ABCD3: variants seen among roughly 807,000 people sequenced by gnomAD.
ABCD3 encodes ATP binding cassette subfamily D member 3, also known as ATP-binding cassette sub-family D member 3.
A neutral mutation model predicts 105.5 loss-of-function variants in ABCD3; 41 were observed. The observed-to-expected ratio is 0.39, with a 90% CI of 0.30 to 0.50. ABCD3 has a LOEUF of 0.50. Ranked by LOEUF, ABCD3 falls within the 20% of genes least tolerant of loss-of-function variation. The pLI is 0.84. For missense variants in ABCD3, 622 were observed against 806.3 expected, an observed-to-expected ratio of 0.77 and a Z score of 2.77; for synonymous variants, 258 against 269.0, an observed-to-expected ratio of 0.96 and a Z score of 0.40.
chr1:94,450,400 T>C (rs1281114105), intron 1 of ABCD3, among the ~76,000 whole-genome samples: 1 of 152,270 alleles, frequency 6.6e-6, no homozygotes, highest in Admixed American at 6.5e-5. Flanking sequence ...CTGATGGCCA[T>C]GATGCCCATG....
At chr1:94,414,618 C>T (rs186892652), upstream of ABCD3, among the ~76,000 whole-genome samples, 151 of 152,236 alleles carry the variant, frequency 9.9e-4, no homozygotes, top group African/African-American at 3.4e-3. Context: ...AAATCCTACC[C>T]GGTTGGATTG....
chr1:94,387,719 A>C, the ABCD3 span, among the ~76,000 whole-genome samples: 1 of 152,186 alleles, frequency 6.6e-6, no homozygotes, highest in African/African-American at 2.4e-5. Flanking sequence ...TTGTTAAGTA[A>C]ACATTGTCAG....
intron 20 of ABCD3, among the ~76,000 whole-genome samples, chr1:94,500,738 T>C (rs1165978595): frequency 6.6e-6 from 1 of 152,158 alleles, no homozygotes; most frequent in African/African-American, 2.4e-5. Flanking sequence ...CCCAAAATCA[T>C]ACCCACTCTA....
chr1:94,513,201 G>A (rs1650766892), intron 21 of ABCD3, among the ~76,000 whole-genome samples: 1 of 151,906 alleles, frequency 6.6e-6, no homozygotes, highest in Non-Finnish European at 1.5e-5. Flanking sequence ...TTATACATTT[G>A]TTCATGTTGG....
chr1:94,498,776 T>C lies in ABCD3; in HGVS notation c.1465-7T>C, dbSNP rs746687221. 1.9e-6 allele frequency: 3 copies of C among 1,613,664 alleles called. No individual in the cohort carries two copies. Among genetic ancestry groups the C allele is most frequent in the African/African-American group, 2.7e-5 (2 of 74,914 alleles). ...AATTGTTCTTCTCCCTTCTCTCTCTTTAATAGTTATGGCCTCTTTTTGGAG... is the reference window on the plus strand; with the variant it reads ...AATTGTTCTTCTCCCTTCTCTCTCTCTAATAGTTATGGCCTCTTTTTGGAG... On this transcript the variant is annotated splice_polypyrimidine_tract_variant and splice_region_variant and intron_variant, in intron 17 of 22. Transcript: ENST00000370214.
At chr1:94,414,941 C>T (rs528775069), upstream of ABCD3, among the ~76,000 whole-genome samples, 1 of 152,174 alleles carries the variant, frequency 6.6e-6, no homozygotes, top group African/African-American at 2.4e-5. Context: ...TTTGAGATTA[C>T]TCATGAGGTT....
At chr1:94,476,973 C>T (rs897888789) in intron 7 of ABCD3, among the ~76,000 whole-genome samples, 12 of 151,734 alleles carry the variant, frequency 7.9e-5, no homozygotes, top group African/African-American at 2.7e-4. Context: ...ATACAACTTT[C>T]CATGTAATTT....
intron 16 of ABCD3, among the ~76,000 whole-genome samples, chr1:94,494,942 G>A (rs1456375690): frequency 1.3e-5 from 2 of 152,136 alleles, no homozygotes; most frequent in African/African-American, 2.4e-5. Flanking sequence ...TTAGCTAGGT[G>A]TGGTGGTGCA....
Position 94,478,473 on chromosome 1 carries a change from A to G in ABCD3, c.684+158A>G. 3.1e-6 allele frequency: 4 copies of G among 1,304,892 alleles called. No homozygotes were observed. In the Admixed American group the frequency reaches 5.7e-5, roughly 19 times the overall value. 80.8% of individuals were successfully genotyped at this position (1,304,892 alleles called of 1,614,324 possible). A position where few individuals can be genotyped will look rare whatever the true frequency, so the allele number is the denominator to read the frequency against. On this transcript the variant is annotated intron_variant, in intron 8 of 22. Transcript: ENST00000370214. ...AAGTCTGGTTATAAAATAATACTTC[A>G]TTCGAGATTTTAGAAGTACTAATTT...
chr1:94,479,396 A>G (rs1304020625), intron 8 of ABCD3, among the ~76,000 whole-genome samples: 6 of 151,592 alleles, frequency 4.0e-5, no homozygotes, highest in Non-Finnish European at 5.9e-5. Context: ...CCACATTTGT[A>G]GTAGTTGTTG....
chr1:94,451,296 A>C (rs936896816), intron 1 of ABCD3, among the ~76,000 whole-genome samples: 1 of 152,166 alleles, frequency 6.6e-6, no homozygotes, highest in Non-Finnish European at 1.5e-5. Flanking sequence ...TATGGAGTCT[A>C]ATTTCCTTAG....
intron 1 of ABCD3, among the ~76,000 whole-genome samples, chr1:94,427,885 T>A (rs1029530029): frequency 6.6e-5 from 10 of 152,206 alleles, no homozygotes; most frequent in Admixed American, 1.3e-4. Context: ...ATGGCTTTCA[T>A]CATAACATTC....
At chr1:94,444,618 G>T (rs1040901225) in intron 1 of ABCD3, among the ~76,000 whole-genome samples, 1 of 152,062 alleles carries the variant, frequency 6.6e-6, no homozygotes, top group Non-Finnish European at 1.5e-5. Context: ...TTGTAAGTCT[G>T]TTGTTACATA....
At chr1:94,414,282 A>C (rs1658962146), upstream of ABCD3, among the ~76,000 whole-genome samples, 1 of 152,186 alleles carries the variant, frequency 6.6e-6, no homozygotes, top group Non-Finnish European at 1.5e-5. Context: ...GACCTTGGGT[A>C]AATAGTATCA....
chr1:94,482,005 A>G (rs1358947059), intron 9 of ABCD3: 1 of 152,258 alleles, frequency 6.6e-6, no homozygotes, highest in Non-Finnish European at 1.5e-5. Context: ...AGCCATCAAT[A>G]TTCCAGGATG....
In ABCD3 at chr1:94,517,216, C is replaced by T. The variant is rs1650956689; in HGVS notation, c.*87C>T. The T allele has an allele frequency of 9.7e-7, 1 of 1,030,898 alleles. No individual in the cohort carries two copies. Among genetic ancestry groups the T allele is most frequent in the Admixed American group, 2.0e-5 (1 of 51,076 alleles). The allele number at this position is 1,030,898 out of a possible 1,614,324, so 63.9% of individuals were successfully genotyped here. A position where few individuals can be genotyped will look rare whatever the true frequency, so the allele number is the denominator to read the frequency against. ...AAGTACATTGTAAAATAAAGTTGAGCTTAGTTTTTTTTAAAAAAAAAAACA... is the reference window on the plus strand; with the variant it reads ...AAGTACATTGTAAAATAAAGTTGAGTTTAGTTTTTTTTAAAAAAAAAAACA... On this transcript the variant is annotated 3_prime_UTR_variant, in exon 23 of 23. Coordinates refer to ENST00000370214, the MANE Select transcript of ABCD3 (RefSeq NM_002858.4).
At chr1:94,486,789 G>A (rs1437702258) in intron 10 of ABCD3, among the ~76,000 whole-genome samples, 1 of 152,184 alleles carries the variant, frequency 6.6e-6, no homozygotes, top group African/African-American at 2.4e-5. Context: ...TGTATTCCTG[G>A]CAGTGAGAAG....
At chr1:94,503,261 A>T (rs1221181639) in intron 20 of ABCD3, among the ~76,000 whole-genome samples, 1 of 152,170 alleles carries the variant, frequency 6.6e-6, no homozygotes, top group African/African-American at 2.4e-5. Context: ...CATGTCATGT[A>T]GTAAGTGTGG....
At chr1:94,418,977 C>T (rs916580976) in intron 1 of ABCD3, 1 of 246,300 alleles carries the variant, frequency 4.1e-6, no homozygotes, top group Non-Finnish European at 8.0e-6. Context: ...GCCATCTCAT[C>T]TTCAGACCGT....
Sources: gnomAD v4.1 joint callset for allele counts (sites outside exome capture counted in the v4.1 genomes callset) on GRCh38, gnomAD v4.1.1 for gene constraint, MANE v1.5 for transcripts, NCBI Gene and HGNC (gene_info 2026-07-23, HGNC 2026-07-21) for gene names.